The following TRDMT1 variants were observed in gnomAD, a reference collection of about 807,000 sequenced individuals.
The protein encoded by TRDMT1 is tRNA (cytosine(38)-C(5))-methyltransferase.
TRDMT1 carries 49 observed loss-of-function variants against 51.2 expected under a neutral mutation model. The ratio of observed to expected loss-of-function variants is 0.96; its 90% confidence interval spans 0.76 to 1.21. TRDMT1 has a LOEUF of 1.21. Among genes scored for constraint, TRDMT1 ranks in the 50% most tolerant of loss-of-function variants. TRDMT1 has a pLI of 0.00. For missense variants in TRDMT1, 534 were observed against 462.3 expected, an observed-to-expected ratio of 1.16 and a Z score of -1.42; for synonymous variants, 187 against 164.6, an observed-to-expected ratio of 1.14 and a Z score of -1.04.
Position 17,144,969 on chromosome 10 carries a change from TG to T in TRDMT1, c.*4070del, listed in dbSNP as rs955472838. 1.0e-6 allele frequency: 1 copy of T among 985,202 alleles called. No individual in the cohort carries two copies. The highest frequency in any genetic ancestry group is 1.7e-5 in the African/African-American group (1 of 57,190). The allele number at this position is 985,202 out of a possible 1,614,324, so 61.0% of individuals were successfully genotyped here. A position where few individuals can be genotyped will look rare whatever the true frequency, so the allele number is the denominator to read the frequency against. ...TTTTAAAAAACATGCAAAGGGAGGC[TG>T]GGCGTGGTGGCTCATGCCTGTAAAA... On this transcript the variant is annotated 3_prime_UTR_variant, in exon 11 of 11. Coordinates refer to ENST00000377799, the MANE Select transcript of TRDMT1 (RefSeq NM_004412.7).
chr10:17,157,605 T>C lies in TRDMT1; in HGVS notation c.723A>G (p.Lys241=). ...CAGAGAGATCACTATCTTGTTGATTTTTCCTGTGAATTTCTTCTGCAGTTT... is the reference window on the plus strand; with the variant it reads ...CAGAGAGATCACTATCTTGTTGATTCTTCCTGTGAATTTCTTCTGCAGTTT... The part of the protein sequence containing the change: ...KLETAEEIHR[K]NQQDSDLSVK... The change falls in exon 8 of 11, where the codon AAA becomes AAG. Residue 241 remains lysine, a synonymous_variant. Transcript: ENST00000377799. The C allele has an allele frequency of 6.2e-7, 1 of 1,614,004 alleles. No individual in the cohort carries two copies. The highest frequency in any genetic ancestry group is 8.5e-7 in the Non-Finnish European group (1 of 1,179,926).
chr10:17,166,480 T>G (rs182036442), intron 3 of TRDMT1, among the ~76,000 whole-genome samples: 192 of 152,160 alleles, frequency 1.3e-3, no homozygotes, highest in Middle Eastern at 0.01. Context: ...GTAACAAACA[T>G]GCACGTTGTG....
intron 10 of TRDMT1, chr10:17,152,066 T>C: frequency 7.7e-7 from 1 of 1,301,928 alleles, no homozygotes. Flanking sequence ...AGTTAATCTC[T>C]TTTCTGTCTT....
At chr10:17,170,818 G>A (rs1841872556) in intron 2 of TRDMT1, among the ~76,000 whole-genome samples, 1 of 151,956 alleles carries the variant, frequency 6.6e-6, no homozygotes, top group East Asian at 1.9e-4. Flanking sequence ...TCTTCTAGTA[G>A]ACATATTGTA....
chr10:17,139,478 C>T lies in TRDMT1; in HGVS notation c.*9562G>A, dbSNP rs1411616351. On this transcript the variant is annotated 3_prime_UTR_variant, in exon 11 of 11. Transcript: ENST00000377799. Reference sequence around the variant, plus strand: ...AGCAAGAGAGGTGAGGATGTCACCACCGATGGGGGGAAGAAAAAAACAGTT... The same window carrying T: ...AGCAAGAGAGGTGAGGATGTCACCATCGATGGGGGGAAGAAAAAAACAGTT... 1.3e-5 allele frequency among the ~76,000 whole-genome samples: 2 copies of T among 151,708 alleles called. No individual in the cohort carries two copies. Among genetic ancestry groups the T allele is most frequent in the African/African-American group, 4.9e-5 (2 of 41,204 alleles).
At position 17,139,266 on chromosome 10, in the gene TRDMT1, G is replaced by T; in HGVS notation, c.*9774C>A. On this transcript the variant is annotated 3_prime_UTR_variant, in exon 11 of 11. Coordinates refer to ENST00000377799, the MANE Select transcript of TRDMT1 (RefSeq NM_004412.7). The stretch of plus-strand genomic sequence containing the variant: ...AAAATTCCCCAAACAAGGCGGTGAA[G>T]TTAAATATTTAGACACCATTCATAC... 1.1e-6 allele frequency: 1 copy of T among 948,676 alleles called. No homozygotes were observed. Among genetic ancestry groups the T allele is most frequent in the Non-Finnish European group, 1.3e-6 (1 of 796,372 alleles). 58.8% of individuals were successfully genotyped at this position (948,676 alleles called of 1,614,324 possible). A position where few individuals can be genotyped will look rare whatever the true frequency, so the allele number is the denominator to read the frequency against.
intron 1 of TRDMT1, among the ~76,000 whole-genome samples, chr10:17,193,294 C>T (rs374189234): frequency 2.0e-5 from 3 of 152,074 alleles, no homozygotes; most frequent in Non-Finnish European, 4.4e-5. Flanking sequence ...ACCCAGGAGG[C>T]AGAGGTTGCA....
In TRDMT1 at chr10:17,144,205, A is replaced by T. The variant is rs1588681792; in HGVS notation, c.*4835T>A. 2 of 985,538 alleles carry T rather than the reference A, an allele frequency of 2.0e-6. No individual in the cohort carries two copies. Among genetic ancestry groups the T allele is most frequent in the African/African-American group, 1.7e-5 (1 of 57,208 alleles). The allele number at this position is 985,538 out of a possible 1,614,324, so 61.0% of individuals were successfully genotyped here. A position where few individuals can be genotyped will look rare whatever the true frequency, so the allele number is the denominator to read the frequency against. ...CTCTCATCCTCTGACCCTCTAGGTG[A>T]TCTCATCTGATTATAGAGCTAATTT... On this transcript the variant is annotated 3_prime_UTR_variant, in exon 11 of 11. Transcript: ENST00000377799.
At chr10:17,200,641 G>C (rs1479080292) in intron 1 of TRDMT1, 1 of 163,482 alleles carries the variant, frequency 6.1e-6, no homozygotes, top group Non-Finnish European at 1.5e-5. Context: ...TGTATCCCCA[G>C]CTCCTAGCAC....
intron 8 of TRDMT1, among the ~76,000 whole-genome samples, chr10:17,155,079 G>A (rs955720368): frequency 6.6e-5 from 10 of 151,964 alleles, no homozygotes; most frequent in African/African-American, 1.7e-4. Flanking sequence ...TAAAAAATGA[G>A]CCAGGCGTGG....
intron 1 of TRDMT1, among the ~76,000 whole-genome samples, chr10:17,177,339 C>T (rs1250163310): frequency 6.6e-6 from 1 of 151,818 alleles, no homozygotes; most frequent in African/African-American, 2.4e-5. Context: ...GTAACAGAAA[C>T]TACAGACACT....
chr10:17,151,459 T>G (rs1394600841), intron 10 of TRDMT1: 5 of 970,272 alleles, frequency 5.2e-6, no homozygotes, highest in African/African-American at 1.8e-5. Context: ...TCATTGCCAG[T>G]AGACAAACAG....
In TRDMT1 at chr10:17,148,692, T is replaced by A. The variant is rs183621136; in HGVS notation, c.*348A>T. 5 of 982,946 alleles carry A rather than the reference T, an allele frequency of 5.1e-6. No homozygotes were observed. The Admixed American group carries it at 3.1e-4, about 60-fold the overall frequency. The allele number at this position is 982,946 out of a possible 1,614,324, so 60.9% of individuals were successfully genotyped here. A position where few individuals can be genotyped will look rare whatever the true frequency, so the allele number is the denominator to read the frequency against. On this transcript the variant is annotated 3_prime_UTR_variant, in exon 11 of 11. Coordinates refer to ENST00000377799, the MANE Select transcript of TRDMT1 (RefSeq NM_004412.7). ...CTTTAATTAACATAAAAATATGTTA[T>A]GCCTGTTATGACACTTCACAAGATA...
At chr10:17,190,513 G>A (rs1844548521) in intron 1 of TRDMT1, among the ~76,000 whole-genome samples, 1 of 150,960 alleles carries the variant, frequency 6.6e-6, no homozygotes, top group African/African-American at 2.4e-5. Context: ...TTTACAGTGA[G>A]TAAAGACCAA....
chr10:17,154,696 T>C lies in TRDMT1; in HGVS notation c.926A>G (p.Gln309Arg). ...SYIEGTGSVL[Q>R]TAEDVQVENI... ...TAGTACCTGCACATCCTCTGCAGTC[T>C]GTAACACAGACCCTGTCCCTTCTAT... The change falls in exon 9 of 11, where the codon CAG (glutamine) becomes CGG (arginine). Residue 309 changes from glutamine to arginine, a missense_variant. Gln to Arg is a conservative substitution (Grantham distance 43). Coordinates refer to ENST00000377799, the MANE Select transcript of TRDMT1 (RefSeq NM_004412.7). 1 of 1,605,712 alleles carries C rather than the reference T, an allele frequency of 6.2e-7. No homozygotes were observed. The highest frequency in any genetic ancestry group is 8.5e-7 in the Non-Finnish European group (1 of 1,176,404).
At chr10:17,154,949 G>A (rs1393615758) in intron 8 of TRDMT1, among the ~76,000 whole-genome samples, 2 of 152,174 alleles carry the variant, frequency 1.3e-5, no homozygotes, top group East Asian at 3.8e-4. Flanking sequence ...GCCGGGCACA[G>A]TGGCTAATGT....
At chr10:17,174,788 A>C in intron 1 of TRDMT1, 128 bp from the exon 2 acceptor site, 1 of 744,096 alleles carries the variant, frequency 1.3e-6, no homozygotes, top group East Asian at 2.7e-5. Flanking sequence ...TCAGACTGTC[A>C]GTGGAAGGTC....
chr10:17,157,426 A>G lies in TRDMT1; in HGVS notation c.887+15T>C. On this transcript the variant is annotated intron_variant, in intron 8 of 10. Coordinates refer to ENST00000377799, the MANE Select transcript of TRDMT1 (RefSeq NM_004412.7). ...GTTATTTTGGATACAGGATCAATAG[A>G]TCTTTAAAACCTACCCTTTGGTAAA... 1 of 1,569,126 alleles carries G rather than the reference A, an allele frequency of 6.4e-7. No individual in the cohort carries two copies. Among genetic ancestry groups the G allele is most frequent in the Non-Finnish European group, 8.7e-7 (1 of 1,155,228 alleles).
chr10:17,165,043 A>C (rs948951784), intron 3 of TRDMT1, among the ~76,000 whole-genome samples: 21 of 152,206 alleles, frequency 1.4e-4, no homozygotes, highest in Non-Finnish European at 2.6e-4. Flanking sequence ...TGGAACCAAA[A>C]AAGAGCCCAC....
Sources: allele counts gnomAD v4.1 joint callset (sites outside exome capture counted in the v4.1 genomes callset), GRCh38; gene constraint gnomAD v4.1.1; transcripts MANE v1.5; gene names NCBI Gene and HGNC (gene_info 2026-07-23, HGNC 2026-07-21).